OTOP2: variants seen among roughly 807,000 people sequenced by gnomAD.
OTOP2 encodes the protein proton channel OTOP2.
OTOP2 carries 41 observed loss-of-function variants against 47.4 expected under a neutral mutation model. The observed-to-expected ratio is 0.87, with a 90% CI of 0.67 to 1.12. The LOEUF (loss-of-function observed/expected upper bound fraction) is 1.12, where lower values mean the gene tolerates loss of function less well. Ranked by LOEUF, OTOP2 falls within the 50% of genes most tolerant of loss-of-function variation. OTOP2 has a pLI of 0.00. For missense variants in OTOP2, 721 were observed against 752.2 expected (o/e 0.96, Z 0.49); for synonymous variants, 328 against 319.6 (o/e 1.03, Z -0.28).
intron 5 of OTOP2, among the ~76,000 whole-genome samples, chr17:74,929,390 G>A (rs1201848048): frequency 6.6e-6 from 1 of 152,130 alleles, no homozygotes; most frequent in African/African-American, 2.4e-5. Flanking sequence ...GAAGTGAGCA[G>A]TCCTGTGGTT....
intron 5 of OTOP2, 24 bp downstream of exon 5, chr17:74,927,822 C>T (rs1399400355): frequency 1.2e-6 from 2 of 1,611,322 alleles, no homozygotes; most frequent in South Asian, 2.2e-5. Flanking sequence ...TAATGCTGGC[C>T]CTGTGGCTAC....
Position 74,930,199 on chromosome 17 carries a change from A to C in OTOP2, c.644-80A>C. The C allele has an allele frequency of 1.4e-6, 2 of 1,478,888 alleles. No individual in the cohort carries two copies. Among genetic ancestry groups the C allele is most frequent in the Non-Finnish European group, 1.8e-6 (2 of 1,107,672 alleles). 91.6% of individuals were successfully genotyped at this position (1,478,888 alleles called of 1,614,324 possible). On this transcript the variant is annotated intron_variant, in intron 5 of 6. Transcript: ENST00000331427. The surrounding 1 kb of genome is among the most constrained non-coding windows in gnomAD (Gnocchi z 4.0). ...ACTCCGTCTCAAAACAAAACAAAAA[A>C]AAAAAGGTCACAGGCTAGGGGTGAG...
At chr17:74,928,782 C>G (rs1240718134) in intron 5 of OTOP2, among the ~76,000 whole-genome samples, 2 of 152,178 alleles carry the variant, frequency 1.3e-5, no homozygotes, top group African/African-American at 4.8e-5. Context: ...CTCTAGGGTC[C>G]CCCAATAGCC....
rs540867430 is a variant in OTOP2 at position 74,930,804 on chromosome 17, T to C, written c.1169T>C (p.Val390Ala). 6.2e-7 allele frequency: 1 copy of C among 1,614,134 alleles called. No homozygotes were observed. Among genetic ancestry groups the C allele is most frequent in the South Asian group, 1.1e-5 (1 of 91,082 alleles). Residue 390 changes from valine to alanine, a missense_variant, in exon 6 of 7, where the codon GTG becomes GCG. Transcript: ENST00000331427. This position sits in a 1 kb window ranked among gnomAD's most constrained non-coding sequence, Gnocchi z 4.0. ...ATCTCTTACTACTCCATCGTGGCTG[T>C]GGTGGCGGGCACACCCCAGGACCTG... ...YAISYYSIVA[V>A]VAGTPQDLLA...
chr17:74,931,612 G>A (rs1191556539), intron 6 of OTOP2, among the ~76,000 whole-genome samples: 4 of 152,204 alleles, frequency 2.6e-5, no homozygotes, highest in Non-Finnish European at 5.9e-5. Context: ...CTGGGAAGGA[G>A]GGCATCTACA....
rs534146190 is a variant in OTOP2 at position 74,931,479 on chromosome 17, C to A, written c.1518+326C>A. On this transcript the variant is annotated intron_variant, in intron 6 of 6. Coordinates refer to ENST00000331427, the MANE Select transcript of OTOP2 (RefSeq NM_178160.3). The stretch of plus-strand genomic sequence containing the variant: ...GATGTGGAAGGCGGGGTCCTCACCC[C>A]CCAGTGGGAGGTGTGACTGCTCCTG... Among the ~76,000 whole-genome samples, 3 of 152,282 alleles carry A rather than the reference C, an allele frequency of 2.0e-5. No homozygotes were observed. The East Asian group carries it at 5.8e-4, about 29-fold the overall frequency.
At chr17:74,929,805 G>C (rs985463103) in intron 5 of OTOP2, among the ~76,000 whole-genome samples, 7 of 152,220 alleles carry the variant, frequency 4.6e-5, no homozygotes, top group Non-Finnish European at 8.8e-5. Flanking sequence ...TGAAGTGAAG[G>C]AGTGTGCCAC....
rs1269625878 is a variant in OTOP2, at chr17:74,933,508, C to T, written c.1652C>T (p.Ala551Val). 9.9e-6 allele frequency: 16 copies of T among 1,613,776 alleles called. No individual in the cohort carries two copies. The Admixed American group carries it at 2.3e-4, about 24-fold the overall frequency. Residue 551 changes from alanine (A) to valine (V), a missense_variant, in exon 7 of 7, where the codon GCT becomes GTT. Coordinates refer to ENST00000331427, the MANE Select transcript of OTOP2 (RefSeq NM_178160.3). The surrounding 1 kb of genome is among the most constrained non-coding windows in gnomAD (Gnocchi z 4.7). Reference sequence around the variant, plus strand: ...TTCGGCATCTTCTACCGCATGCACGCTGTGTCCAGCCTGCTGGAGGTCTAC... The same window carrying T: ...TTCGGCATCTTCTACCGCATGCACGTTGTGTCCAGCCTGCTGGAGGTCTAC... Reference protein sequence around the residue: ...LPFGIFYRMHAVSSLLEVYVL... With the variant: ...LPFGIFYRMHVVSSLLEVYVL...
chr17:74,925,673 CTG>C lies in OTOP2; in HGVS notation c.435_436del (p.Phe146CysfsTer13), dbSNP rs756965043. On this transcript the variant is annotated frameshift_variant, in exon 3 of 7. Transcript: ENST00000331427. LOFTEE classifies it high-confidence loss of function. ...AAGATCCTGCACCCCCTCATCCAGG[CTG>C]TGTTTGTCATCATCCAGGTGGGTGG... The C allele has an allele frequency of 1.9e-6, 3 of 1,614,174 alleles. No individual in the cohort carries two copies. The highest frequency in any genetic ancestry group is 2.5e-6 in the Non-Finnish European group (3 of 1,180,014).
At chr17:74,928,934 G>A (rs1338349536) in intron 5 of OTOP2, among the ~76,000 whole-genome samples, 1 of 152,168 alleles carries the variant, frequency 6.6e-6, no homozygotes, top group African/African-American at 2.4e-5. Flanking sequence ...ACTCCTGAGG[G>A]TGCAAAACCA....
chr17:74,927,159 T>A, intron 3 of OTOP2, 64 bp from the exon 4 acceptor site: 6 of 1,412,642 alleles, frequency 4.2e-6, no homozygotes, highest in Non-Finnish European at 6.0e-6. Flanking sequence ...GGCATGGACT[T>A]GGGTGCGCTG....
chr17:74,927,380 C>T (rs1056606236), intron 4 of OTOP2, 99 bp downstream of exon 4: 1 of 1,384,748 alleles, frequency 7.2e-7, no homozygotes, highest in African/African-American at 1.4e-5. Flanking sequence ...CTCTTTATGT[C>T]CCCTGGGTGG....
chr17:74,926,264 A>G (rs932178165), intron 3 of OTOP2, among the ~76,000 whole-genome samples: 2 of 152,198 alleles, frequency 1.3e-5, no homozygotes, highest in Non-Finnish European at 2.9e-5. Context: ...CCTCCCCAGA[A>G]ACATCACTCC....
rs978303004 is a variant in OTOP2, at chr17:74,933,779, C to T, written c.*234C>T. On this transcript the variant is annotated 3_prime_UTR_variant, in exon 7 of 7. Coordinates refer to ENST00000331427, the MANE Select transcript of OTOP2 (RefSeq NM_178160.3). The surrounding 1 kb of genome is among the most constrained non-coding windows in gnomAD (Gnocchi z 4.7). ...GCATGAGGTGACTGGGGAAGGGAGACCTCTCCTGGCAGCATTTCTAGGACC... is the reference window on the plus strand; with the variant it reads ...GCATGAGGTGACTGGGGAAGGGAGATCTCTCCTGGCAGCATTTCTAGGACC... 2.2e-6 allele frequency: 1 copy of T among 447,788 alleles called. No homozygotes were observed. The highest frequency in any genetic ancestry group is 1.9e-5 in the African/African-American group (1 of 51,572). 27.7% of individuals were successfully genotyped at this position (447,788 alleles called of 1,614,324 possible).
chr17:74,930,970 C>T lies in OTOP2; in HGVS notation c.1335C>T (p.Asp445=). Residue 445 remains aspartate, a synonymous_variant, in exon 6 of 7, where the codon GAC becomes GAT. Coordinates refer to ENST00000331427, the MANE Select transcript of OTOP2 (RefSeq NM_178160.3). This position sits in a 1 kb window ranked among gnomAD's most constrained non-coding sequence, Gnocchi z 4.0. ...HSTHPKEPCQ[D]LTFTNLDALH... ...CCCACCCCAAGGAGCCCTGCCAAGA[C>T]CTCACCTTCACCAACCTGGATGCCC... is the stretch of plus-strand genomic sequence containing the variant. 6.2e-7 allele frequency: 1 copy of T among 1,614,104 alleles called. No homozygotes were observed. The highest frequency in any genetic ancestry group is 8.5e-7 in the Non-Finnish European group (1 of 1,180,028).
At position 74,930,499 on chromosome 17, in the gene OTOP2, CT is replaced by C. The variant is rs763191744; in HGVS notation, c.870del (p.Phe290LeufsTer25). On this transcript the variant is annotated frameshift_variant, in exon 6 of 7. Transcript: ENST00000331427. LOFTEE classifies it high-confidence loss of function. The surrounding 1 kb of genome is among the most constrained non-coding windows in gnomAD (Gnocchi z 4.0). ...CCCCTGTCAGCCTCTTCCGGGAGAC[CT>C]TTTTTGCTGGCCCGGTTCTGGGCCT... ...PTPVSLFRET[F>X]FAGPVLGLLL... The C allele has an allele frequency of 2.9e-5, 47 of 1,612,838 alleles. No individual in the cohort carries two copies. The highest frequency in any genetic ancestry group is 1.3e-5 in the African/African-American group (1 of 74,896).
intron 5 of OTOP2, among the ~76,000 whole-genome samples, chr17:74,929,948 C>A (rs867300201): frequency 6.6e-6 from 1 of 152,026 alleles, no homozygotes; most frequent in African/African-American, 2.4e-5. Context: ...TTTGGGAGGC[C>A]GAGGCAAGCA....
intron 5 of OTOP2, among the ~76,000 whole-genome samples, chr17:74,929,552 T>C (rs1005319811): frequency 6.6e-6 from 1 of 152,056 alleles, no homozygotes; most frequent in African/African-American, 2.4e-5. Flanking sequence ...CAACCTCCCG[T>C]GTAGCTGGGA....
intron 5 of OTOP2, chr17:74,928,115 G>T: frequency 3.8e-6 from 1 of 266,554 alleles, no homozygotes; most frequent in South Asian, 9.0e-5. Context: ...GGCTAAGGCA[G>T]ACCAATTGCT....
Sources: allele counts gnomAD v4.1 joint callset (sites outside exome capture counted in the v4.1 genomes callset), GRCh38; gene constraint gnomAD v4.1.1; non-coding constraint Gnocchi (gnomAD v3.1); transcripts MANE v1.5; gene names NCBI Gene and HGNC (gene_info 2026-07-23, HGNC 2026-07-21).